The following PRIM2 variants were observed in gnomAD, a reference collection of about 807,000 sequenced individuals.
PRIM2 encodes DNA primase large subunit.
A neutral mutation model predicts 67.3 loss-of-function variants in PRIM2; 39 were observed. That is an observed-to-expected ratio of 0.58 (90% CI 0.45 to 0.76). PRIM2 has a LOEUF of 0.76. PRIM2 is among the 30% of genes least tolerant of loss of function. The pLI is 0.00. For synonymous variants in PRIM2, 143 were observed against 198.7 expected, an observed-to-expected ratio of 0.72 and a Z score of 2.36; for missense variants, 398 against 598.7, an observed-to-expected ratio of 0.66 and a Z score of 3.50.
chr6:57,249,561 G>A, the PRIM2 span, among the ~76,000 whole-genome samples: 1 of 151,992 alleles, frequency 6.6e-6, no homozygotes, highest in African/African-American at 2.4e-5. Context: ...GACCAACATG[G>A]TGAAACCCCT....
At chr6:57,288,520 T>G in the PRIM2 span, among the ~76,000 whole-genome samples, 1 of 152,180 alleles carries the variant, frequency 6.6e-6, no homozygotes, top group African/African-American at 2.4e-5. Flanking sequence ...CCGTGTAGCC[T>G]GACTGGGAGA....
intron 7 of PRIM2, among the ~76,000 whole-genome samples, chr6:57,445,293 A>G (rs5003060): frequency 1.3e-5 from 2 of 152,230 alleles, no homozygotes; most frequent in African/African-American, 4.8e-5. Context: ...CAGGGGACAG[A>G]GTTAGGAGAG....
Position 57,502,030 on chromosome 6 carries a change from C to T in PRIM2, c.694-5357C>T, listed in dbSNP as rs1286783325. ...TTCTAACAATCAATTGGTGACCCAA[C>T]CCCCTCCACCAAAAACCAGAGAGAC... On this transcript the variant is annotated intron_variant, in intron 7 of 13. Coordinates refer to ENST00000615550, the MANE Select transcript of PRIM2 (RefSeq NM_000947.5). Among the ~76,000 whole-genome samples, 5 of 152,210 alleles carry T rather than the reference C, an allele frequency of 3.3e-5. No individual in the cohort carries two copies. In the East Asian group the frequency reaches 9.7e-4, roughly 29 times the overall value.
In PRIM2 at chr6:57,438,464, G is replaced by C. The variant is rs141911726; in HGVS notation, c.693+56296G>C. Among the ~76,000 whole-genome samples, 506 of 152,178 alleles carry C rather than the reference G, an allele frequency of 3.3e-3. 8 individuals carry two copies. Among genetic ancestry groups the C allele is most frequent in the Non-Finnish European group, 1.2e-3 (82 of 68,024 alleles). On this transcript the variant is annotated intron_variant, in intron 7 of 13. Coordinates refer to ENST00000615550, the MANE Select transcript of PRIM2 (RefSeq NM_000947.5). ...GAGCTGATGGCTTCTGAAATGACCA[G>C]CTTTGATGAATGTGATTATACTTTA... is the stretch of plus-strand genomic sequence containing the variant.
the PRIM2 span, among the ~76,000 whole-genome samples, chr6:57,245,342 G>T: frequency 6.6e-6 from 1 of 152,102 alleles, no homozygotes; most frequent in Non-Finnish European, 1.5e-5. Context: ...CTTTCTGAGT[G>T]CAAGGCTGTG....
chr6:57,374,377 T>C (rs1769678400), intron 5 of PRIM2, among the ~76,000 whole-genome samples: 1 of 149,964 alleles, frequency 6.7e-6, no homozygotes. Flanking sequence ...CACTGCAAGC[T>C]CCGCCTCCCG....
chr6:57,257,820 G>A, the PRIM2 span, among the ~76,000 whole-genome samples: 1 of 152,088 alleles, frequency 6.6e-6, no homozygotes, highest in Non-Finnish European at 1.5e-5. Context: ...TTAAATGTTG[G>A]AACAGTGGGT....
At chr6:57,642,435 CTT>C (rs1156576933) in intron 13 of PRIM2, among the ~76,000 whole-genome samples, 13,098 of 80,968 alleles carry the variant, frequency 0.16, 214 homozygotes, top group African/African-American at 0.26. Flanking sequence ...AATATTATAT[CTT>C]TTTTTTTTTT....
the PRIM2 span, among the ~76,000 whole-genome samples, chr6:57,229,726 G>A: frequency 8.5e-5 from 13 of 152,110 alleles, no homozygotes; most frequent in Admixed American, 2.0e-4. Flanking sequence ...ACCTGACCTC[G>A]TGATCCGTGC....
At position 57,321,820 on chromosome 6, in the gene PRIM2, A is replaced by T. The variant is rs575186156; in HGVS notation, c.258+1260A>T. On this transcript the variant is annotated intron_variant, in intron 3 of 13. Coordinates refer to ENST00000615550, the MANE Select transcript of PRIM2 (RefSeq NM_000947.5). ...TATTATTATCATCCCTATTTTACAG[A>T]TACAGCCTATTTATTCACAGACTGA... 4.3e-4 allele frequency among the ~76,000 whole-genome samples: 66 copies of T among 152,334 alleles called. 1 individual carries two copies. In the South Asian group the frequency reaches 0.013, roughly 31 times the overall value.
intron 8 of PRIM2, among the ~76,000 whole-genome samples, chr6:57,514,594 C>T (rs1774442590): frequency 6.6e-6 from 1 of 152,104 alleles, no homozygotes; most frequent in Non-Finnish European, 1.5e-5. Context: ...TTTCCAGGTG[C>T]TGTGTAAGAT....
At chr6:57,277,721 C>T in the PRIM2 span, among the ~76,000 whole-genome samples, 2 of 152,094 alleles carry the variant, frequency 1.3e-5, no homozygotes, top group African/African-American at 2.4e-5. Context: ...GGCTTCATGC[C>T]TGTAATCCCA....
At chr6:57,543,734 G>A (rs1481816828) in intron 10 of PRIM2, among the ~76,000 whole-genome samples, 3 of 151,980 alleles carry the variant, frequency 2.0e-5, no homozygotes, top group Admixed American at 6.6e-5. Context: ...TTACTTACCT[G>A]TGCCTGTTGC....
At chr6:57,426,479 C>T (rs1485197204) in intron 7 of PRIM2, among the ~76,000 whole-genome samples, 8 of 152,140 alleles carry the variant, frequency 5.3e-5, no homozygotes, top group Non-Finnish European at 1.2e-4. Flanking sequence ...TTTGAACAGA[C>T]ATTTTACAAA....
chr6:57,542,938 G>GATTTTTTTTTTTTTTTTTTT (rs1775194076), intron 10 of PRIM2, among the ~76,000 whole-genome samples: 2 of 56,886 alleles, frequency 3.5e-5, no homozygotes, highest in African/African-American at 2.3e-4. Context: ...CTGCTTATAG[G>GATTTTTTTTTTTTTTTTTTT]ATTTTTTTTT....
intron 8 of PRIM2, among the ~76,000 whole-genome samples, chr6:57,513,121 G>A (rs1430383945): frequency 1.2e-4 from 18 of 151,438 alleles, no homozygotes; most frequent in South Asian, 2.1e-4. Context: ...CATATGATTA[G>A]ATATGTAATC....
At chr6:57,577,008 A>G (rs1775975628) in intron 10 of PRIM2, among the ~76,000 whole-genome samples, 1 of 152,082 alleles carries the variant, frequency 6.6e-6, no homozygotes, top group African/African-American at 2.4e-5. Flanking sequence ...AAATGACTTT[A>G]TTTAAATATA....
At chr6:57,497,076 TACTC>T (rs1774020987) in intron 7 of PRIM2, among the ~76,000 whole-genome samples, 1 of 152,220 alleles carries the variant, frequency 6.6e-6, no homozygotes. Flanking sequence ...GGCACTGTGT[TACTC>T]AGTGGTAAAA....
intron 10 of PRIM2, among the ~76,000 whole-genome samples, chr6:57,559,036 C>G (rs1177226887): frequency 2.6e-5 from 4 of 151,284 alleles, no homozygotes; most frequent in Admixed American, 1.3e-4. Context: ...ATTTGGGAGG[C>G]TGAGATGGGA....
Sources: allele counts gnomAD v4.1 joint callset (sites outside exome capture counted in the v4.1 genomes callset), GRCh38; gene constraint gnomAD v4.1.1; transcripts MANE v1.5; gene names NCBI Gene and HGNC (gene_info 2026-07-23, HGNC 2026-07-21).